The following IFT140 variants were observed in gnomAD, a reference collection of about 807,000 sequenced individuals.
IFT140 encodes intraflagellar transport protein 140 homolog.
In IFT140, 133 loss-of-function variants were observed where a neutral mutation model predicts 164.6. That is an observed-to-expected ratio of 0.81 (90% confidence interval 0.70 to 0.93). The LOEUF is 0.93. IFT140 is among the 40% of genes least tolerant of loss of function. The pLI is 0.00. For missense variants in IFT140, 2,045 were observed against 1,972.3 expected, an observed-to-expected ratio of 1.04 and a Z score of -0.70; for synonymous variants, 860 against 817.3, an observed-to-expected ratio of 1.05 and a Z score of -0.89.
intron 3 of IFT140, 78 bp downstream of exon 3, chr16:1,607,042 A>C: frequency 6.9e-7 from 1 of 1,439,028 alleles, no homozygotes; most frequent in Non-Finnish European, 9.7e-7. Flanking sequence ...ACATGTGCAC[A>C]CACACAAGGA....
intron 4 of IFT140, among the ~76,000 whole-genome samples, chr16:1,596,361 A>T (rs944671790): frequency 7.9e-5 from 12 of 152,128 alleles, no homozygotes; most frequent in Admixed American, 6.5e-4. Context: ...TTTTTTGCAC[A>T]AGTGACTTTA....
In IFT140 at chr16:1,578,185, G is replaced by A. The variant is rs1164847870; in HGVS notation, c.1524+2574C>T. ...ATTCAGACAGAAGTCCTACACAGAG[G>A]GGCCCACCCGCTTCCGTCTTCTCCT... is the stretch of plus-strand genomic sequence containing the variant. On this transcript the variant is annotated intron_variant, in intron 13 of 30. Coordinates refer to ENST00000426508, the MANE Select transcript of IFT140 (RefSeq NM_014714.4). 4 of 151,962 alleles carry A rather than the reference G, an allele frequency of 2.6e-5. No individual in the cohort carries two copies. In the South Asian group the frequency reaches 8.3e-4, roughly 32 times the overall value. 9.4% of individuals were successfully genotyped at this position (151,962 alleles called of 1,614,324 possible).
chr16:1,594,947 T>C (rs2035377963), intron 4 of IFT140, among the ~76,000 whole-genome samples: 1 of 152,262 alleles, frequency 6.6e-6, no homozygotes, highest in Non-Finnish European at 1.5e-5. Flanking sequence ...TAACATGCTT[T>C]TTATTGTACA....
rs548733161 is a variant in IFT140, at chr16:1,528,144, G to A, written c.2400-1348C>T. 1.4e-4 allele frequency among the ~76,000 whole-genome samples: 21 copies of A among 152,226 alleles called. No individual in the cohort carries two copies. In the East Asian group the frequency reaches 2.1e-3, roughly 15 times the overall value. ...GGGCCTTGGGGCCGGGCTGGCCTGC[G>A]GCTTCAGCCCTGACGTGGGCTCAGG... On this transcript the variant is annotated intron_variant, in intron 19 of 30. Transcript: ENST00000426508.
intron 14 of IFT140, 130 bp from the exon 15 acceptor site, chr16:1,568,464 G>A (rs1458478611): frequency 2.1e-5 from 15 of 724,244 alleles, no homozygotes; most frequent in Non-Finnish European, 3.0e-5. Flanking sequence ...TGGGTGGCGC[G>A]TGTGCACCAT....
chr16:1,607,344 C>A, intron 2 of IFT140, 47 bp from the exon 3 acceptor site: 2 of 1,467,804 alleles, frequency 1.4e-6, no homozygotes, highest in Non-Finnish European at 1.9e-6. Context: ...TTAAATAAAA[C>A]AAACAATATG....
chr16:1,523,206 G>A (rs1474147407), intron 26 of IFT140, among the ~76,000 whole-genome samples: 6 of 146,800 alleles, frequency 4.1e-5, no homozygotes, highest in Non-Finnish European at 7.4e-5. Flanking sequence ...GCAACAGAGC[G>A]AGACCCTGTC....
intron 10 of IFT140, 86 bp downstream of exon 10, chr16:1,586,044 T>G: frequency 6.5e-7 from 1 of 1,531,636 alleles, no homozygotes. Flanking sequence ...GTGCTGGGAT[T>G]ACAGGCGTGA....
chr16:1,555,022 G>C, intron 19 of IFT140: 1 of 1,608,404 alleles, frequency 6.2e-7, no homozygotes, highest in African/African-American at 1.3e-5. Flanking sequence ...GAGTCACCAT[G>C]CTGAGTCGCC....
intron 19 of IFT140, chr16:1,528,777 G>A (rs1394709193): frequency 6.6e-6 from 1 of 152,522 alleles, no homozygotes; most frequent in Non-Finnish European, 1.5e-5. Context: ...CGCCCACAGA[G>A]CCCCGAGCCC....
At chr16:1,565,293 T>C (rs1235590721) in intron 16 of IFT140, among the ~76,000 whole-genome samples, 3 of 152,034 alleles carry the variant, frequency 2.0e-5, no homozygotes, top group Non-Finnish European at 2.9e-5. Flanking sequence ...AAGTCAGGCA[T>C]CATTGTCTGA....
chr16:1,565,091 C>CT (rs2033637063), intron 16 of IFT140, among the ~76,000 whole-genome samples: 1 of 152,150 alleles, frequency 6.6e-6, no homozygotes, highest in Non-Finnish European at 1.5e-5. Flanking sequence ...CAGAAAGGAA[C>CT]TCAGAGGCTC....
Position 1,519,937 on chromosome 16 carries a change from C to G in IFT140, c.3984G>C (p.Arg1328Ser). The change falls in exon 29 of 31, where the codon AGG becomes AGC. Residue 1328 changes from arginine to serine, a missense_variant. By Grantham distance (110) the Arg-to-Ser change is moderately radical. Transcript: ENST00000426508. The stretch of plus-strand genomic sequence containing the variant: ...CCATCCTGCTCTGCAGCTGCGCCAG[C>G]CTGGTCTCCTGGTCCAGGGGGCTCT... ...KAKSPLDQET[R>S]LAQLQSRMAL... 6.2e-7 allele frequency: 1 copy of G among 1,603,170 alleles called. No homozygotes were observed. Among genetic ancestry groups the G allele is most frequent in the Non-Finnish European group, 8.5e-7 (1 of 1,175,754 alleles).
chr16:1,579,018 A>G (rs1038454993), intron 13 of IFT140, among the ~76,000 whole-genome samples: 1 of 152,204 alleles, frequency 6.6e-6, no homozygotes, highest in Non-Finnish European at 1.5e-5. Context: ...CGGCCTTTAT[A>G]TAACTTTTGA....
At chr16:1,554,836 A>G in intron 19 of IFT140, 3 of 1,614,030 alleles carry the variant, frequency 1.9e-6, no homozygotes, top group South Asian at 1.1e-5. Flanking sequence ...CCATACACCA[A>G]CCTGTCCTGG....
chr16:1,547,209 C>T (rs2294623), intron 19 of IFT140, among the ~76,000 whole-genome samples: 20,625 of 152,166 alleles, frequency 0.14, 1,611 homozygotes, highest in Admixed American at 0.22. Context: ...CCCAAAATTC[C>T]CTGGACATGA....
At chr16:1,537,401 A>T (rs2031186786) in intron 19 of IFT140, among the ~76,000 whole-genome samples, 1 of 152,194 alleles carries the variant, frequency 6.6e-6, no homozygotes, top group South Asian at 2.1e-4. Flanking sequence ...CGCAAACATC[A>T]CCAGGAGCCT....
At chr16:1,562,306 C>T (rs1020641203) in intron 17 of IFT140, among the ~76,000 whole-genome samples, 190 bp from the exon 18 acceptor site, 2 of 152,094 alleles carry the variant, frequency 1.3e-5, no homozygotes, top group African/African-American at 2.4e-5. Flanking sequence ...AAAACCAACA[C>T]GCCTACTGGA....
chr16:1,565,510 G>GA (rs745600439), intron 16 of IFT140, among the ~76,000 whole-genome samples: 5 of 150,562 alleles, frequency 3.3e-5, no homozygotes, highest in South Asian at 4.2e-4. Context: ...ATGGAGGAGG[G>GA]AAAAAAAAAG....
Sources: allele counts gnomAD v4.1 joint callset (sites outside exome capture counted in the v4.1 genomes callset), GRCh38; gene constraint gnomAD v4.1.1; transcripts MANE v1.5; gene names NCBI Gene and HGNC (gene_info 2026-07-23, HGNC 2026-07-21).